Variants in IL4I1 observed in about 807,000 individuals in gnomAD.
IL4I1 encodes interleukin 4 induced 1.
A neutral mutation model predicts 29.7 loss-of-function variants in IL4I1; 24 were observed. The ratio of observed to expected loss-of-function variants is 0.81; its 90% CI spans 0.59 to 1.14. The LOEUF is 1.14. Among genes scored for constraint, IL4I1 ranks in the 50% most tolerant of loss-of-function variants. The probability of loss-of-function intolerance (pLI) is 0.00; values close to 1 mark genes in which losing one functional copy is unlikely to be tolerated. For missense variants in IL4I1, 686 were observed against 785.6 expected (o/e 0.87, Z 1.52); for synonymous variants, 371 against 352.5 (o/e 1.05, Z -0.59).
Position 49,890,412 on chromosome 19 carries a change from G to T in IL4I1, c.962C>A (p.Thr321Lys), listed in dbSNP as rs1199221070. ...KVLKADVVLL[T>K]ASGPAVKRIT... The stretch of plus-strand genomic sequence containing the variant: ...GCGCTTCACCGCCGGTCCGCTCGCC[G>T]TCAGCAGCACCACGTCGGCCTTCAG... Residue 321 changes from threonine (T) to lysine (K), a missense_variant, in exon 8 of 8, where the codon ACG becomes AAG. Thr to Lys is a moderately conservative substitution (Grantham distance 78). Transcript: ENST00000391826. 3 of 1,608,738 alleles carry T rather than the reference G, an allele frequency of 1.9e-6. No individual in the cohort carries two copies. Among genetic ancestry groups the T allele is most frequent in the Non-Finnish European group, 2.5e-6 (3 of 1,178,876 alleles).
intron 2 of IL4I1, among the ~76,000 whole-genome samples, chr19:49,924,074 G>A (rs553891348): frequency 1.3e-5 from 2 of 152,212 alleles, no homozygotes; most frequent in Non-Finnish European, 2.9e-5. Flanking sequence ...AATCGATAGC[G>A]TCTGGCAACT....
At chr19:49,924,602 G>C (rs965816169) in intron 2 of IL4I1, among the ~76,000 whole-genome samples, 2 of 152,236 alleles carry the variant, frequency 1.3e-5, no homozygotes, top group African/African-American at 2.4e-5. Flanking sequence ...AGGGGAGCTC[G>C]AGGCTGGGGG....
At chr19:49,924,881 C>G (rs542692187) in intron 2 of IL4I1, among the ~76,000 whole-genome samples, 6 of 152,298 alleles carry the variant, frequency 3.9e-5, no homozygotes, top group African/African-American at 1.4e-4. Context: ...GGAGGGGAAG[C>G]AGAGTCCCTG....
At chr19:49,924,870 G>T (rs768622524) in intron 2 of IL4I1, among the ~76,000 whole-genome samples, 27 of 152,300 alleles carry the variant, frequency 1.8e-4, no homozygotes, top group Admixed American at 3.3e-4. Flanking sequence ...CAAAACGGTG[G>T]GGAGGGGAAG....
chr19:49,900,998 A>G (rs940354997), upstream of IL4I1, among the ~76,000 whole-genome samples: 7 of 152,234 alleles, frequency 4.6e-5, no homozygotes, highest in Non-Finnish European at 7.3e-5. Flanking sequence ...TGAGGGCTGC[A>G]CAGATGTGCT....
rs775900852 is a variant in IL4I1, at chr19:49,908,720, C to T, written c.-227-4399G>A. ...CTTTTCTCCATTCTCGATCAGCGTG[C>T]GGTCCCAGGCGTTGACCTGGGTGGC... On this transcript the variant is annotated intron_variant, in intron 2 of 9. Transcript: ENST00000341114. 42 of 1,612,788 alleles carry T rather than the reference C, an allele frequency of 2.6e-5. No homozygotes were observed. Among genetic ancestry groups the T allele is most frequent in the African/African-American group, 5.3e-5 (4 of 74,944 alleles).
intron 2 of IL4I1, chr19:49,908,087 A>T: frequency 6.9e-7 from 1 of 1,458,612 alleles, no homozygotes; most frequent in South Asian, 1.4e-5. Flanking sequence ...AAATGGAAAA[A>T]CGCAAAGCAC....
At chr19:49,907,859 A>AT (rs2075358907) in intron 2 of IL4I1, 3 of 346,004 alleles carry the variant, frequency 8.7e-6, no homozygotes, top group East Asian at 1.6e-4. Context: ...TACATTTGGT[A>AT]TTTTTTCATG....
intron 2 of IL4I1, chr19:49,907,292 TGGA>T (rs1465822522): frequency 6.6e-6 from 2 of 302,514 alleles, no homozygotes; most frequent in Admixed American, 5.0e-5. Context: ...GAAGGCTTCC[TGGA>T]GGAGGTGAGG....
chr19:49,909,555 C>T, intron 2 of IL4I1: 1 of 1,614,128 alleles, frequency 6.2e-7, no homozygotes, highest in Non-Finnish European at 8.5e-7. Context: ...AATCCAGTTC[C>T]CCCCGAAGCA....
rs868229227 is a variant in IL4I1 at position 49,889,950 on chromosome 19, C to T, written c.1424G>A (p.Arg475His). ...EKDDWTVPYG[R>H]IYFAGEHTAY... ...GGTGTGCTCGCCGGCAAAGTAGATG[C>T]GGCCATAAGGGACCGTCCAGTCATC... Residue 475 changes from arginine to histidine, a missense_variant, in exon 8 of 8, where the codon CGC (arginine) becomes CAC (histidine). Physicochemically the swap from Arg to His is conservative, Grantham distance 29. Coordinates refer to ENST00000391826, the MANE Select transcript of IL4I1 (RefSeq NM_152899.2). 4 of 1,596,526 alleles carry T rather than the reference C, an allele frequency of 2.5e-6. No homozygotes were observed. The highest frequency in any genetic ancestry group is 3.4e-6 in the Non-Finnish European group (4 of 1,171,922).
intron 2 of IL4I1, chr19:49,906,941 C>T (rs954516048): frequency 4.6e-5 from 7 of 152,710 alleles, no homozygotes; most frequent in Non-Finnish European, 7.3e-5. Context: ...CCGCTAGCTT[C>T]TGCCTTCCAC....
In IL4I1 at chr19:49,895,117, T is replaced by C; in HGVS notation, c.316A>G (p.Thr106Ala). ...GRIFTYRDQN[T>A]GWIGELGAMR... The stretch of plus-strand genomic sequence containing the variant: ...GCTCCCAGCTCCCCAATCCAGCCCG[T>C]GTTCTGGTCCCGGTAGGTGAAGATG... The change falls in exon 4 of 8, where the codon ACG (threonine) becomes GCG (alanine). Residue 106 changes from threonine (T) to alanine (A), a missense_variant. Thr to Ala is a moderately conservative substitution (Grantham distance 58). Transcript: ENST00000391826. The C allele has an allele frequency of 6.2e-7, 1 of 1,613,822 alleles. No individual in the cohort carries two copies. Among genetic ancestry groups the C allele is most frequent in the Non-Finnish European group, 8.5e-7 (1 of 1,179,838 alleles).
At chr19:49,918,964 A>T (rs2075698058) in intron 2 of IL4I1, among the ~76,000 whole-genome samples, 1 of 151,210 alleles carries the variant, frequency 6.6e-6, no homozygotes. Flanking sequence ...AGCCTGACCA[A>T]CATGGAGAAA....
intron 2 of IL4I1, among the ~76,000 whole-genome samples, chr19:49,927,486 G>A (rs2075928596): frequency 6.6e-6 from 1 of 152,158 alleles, no homozygotes; most frequent in South Asian, 2.1e-4. Context: ...GCAGGCCCAC[G>A]GGTGGGACAA....
intron 1 of IL4I1, chr19:49,929,136 C>T (rs567987474): frequency 6.6e-6 from 1 of 152,436 alleles, no homozygotes; most frequent in South Asian, 2.1e-4. Context: ...GGGCGGGGCG[C>T]GGAAGGATCC....
chr19:49,913,416 TGTGACCTAGA>T (rs2075532042), intron 2 of IL4I1, among the ~76,000 whole-genome samples: 1 of 152,222 alleles, frequency 6.6e-6, no homozygotes. Flanking sequence ...ATGTTGACGC[TGTGACCTAGA>T]GTGGGGGCTT....
chr19:49,924,793 T>G (rs1218419767), intron 2 of IL4I1, among the ~76,000 whole-genome samples: 1 of 152,202 alleles, frequency 6.6e-6, no homozygotes, highest in Non-Finnish European at 1.5e-5. Flanking sequence ...CCACTCACCC[T>G]GAGTCCAGCT....
In IL4I1 at chr19:49,889,975, C is replaced by T; in HGVS notation, c.1399G>A (p.Asp467Asn). 6.3e-7 allele frequency: 1 copy of T among 1,575,218 alleles called. No homozygotes were observed. Among genetic ancestry groups the T allele is most frequent in the East Asian group, 2.4e-5 (1 of 42,218 alleles). The change falls in exon 8 of 8, where the codon GAT becomes AAT. Residue 467 changes from aspartate (D) to asparagine (N), a missense_variant. Physicochemically the swap from Asp to Asn is conservative, Grantham distance 23. Coordinates refer to ENST00000391826, the MANE Select transcript of IL4I1 (RefSeq NM_152899.2). ...CGGCCATAAGGGACCGTCCAGTCATCCTTTTCGGTTTGCCAGAGCGCCGGC... is the reference window on the plus strand; with the variant it reads ...CGGCCATAAGGGACCGTCCAGTCATTCTTTTCGGTTTGCCAGAGCGCCGGC... ...QPPALWQTEK[D>N]DWTVPYGRIY...
Sources: gnomAD v4.1 joint callset for allele counts (sites outside exome capture counted in the v4.1 genomes callset) on GRCh38, gnomAD v4.1.1 for gene constraint, MANE v1.5 for transcripts, NCBI Gene and HGNC (gene_info 2026-07-23, HGNC 2026-07-21) for gene names.